The following RAP1A variants were observed in gnomAD, a reference collection of about 807,000 sequenced individuals.
RAP1A encodes ras-related protein Rap-1A.
Under a neutral mutation model 26.4 loss-of-function variants are expected in RAP1A, and 6 were observed. The observed-to-expected ratio is 0.23, with a 90% CI of 0.12 to 0.45. RAP1A has a LOEUF of 0.45. Ranked by LOEUF, RAP1A falls within the 20% of genes least tolerant of loss-of-function variation. The probability of loss-of-function intolerance (pLI) is 0.99; values close to 1 mark genes in which losing one functional copy is unlikely to be tolerated. For missense variants in RAP1A, 121 were observed against 217.2 expected, an observed-to-expected ratio of 0.56 and a Z score of 2.78; for synonymous variants, 73 against 79.4, an observed-to-expected ratio of 0.92 and a Z score of 0.43.
chr1:111,648,596 G>A (rs1660156607), intron 1 of RAP1A: 3 of 529,818 alleles, frequency 5.7e-6, no homozygotes, highest in Admixed American at 4.9e-5. Context: ...GGAAGTAGAG[G>A]GCCTCCACCT....
At chr1:111,650,027 A>G (rs560112135) in intron 1 of RAP1A, among the ~76,000 whole-genome samples, 5 of 151,972 alleles carry the variant, frequency 3.3e-5, no homozygotes, top group African/African-American at 1.2e-4. Flanking sequence ...TAATAGTGAA[A>G]ACTTGGTTTT....
At chr1:111,649,389 C>T (rs1660187434) in intron 1 of RAP1A, 1 of 370,084 alleles carries the variant, frequency 2.7e-6, no homozygotes, top group Non-Finnish European at 5.3e-6. Context: ...CAGCCAGACC[C>T]CAAGCTGTCC....
chr1:111,699,036 A>G (rs570648276), intron 4 of RAP1A, among the ~76,000 whole-genome samples: 1 of 151,616 alleles, frequency 6.6e-6, no homozygotes, highest in African/African-American at 2.4e-5. Context: ...AGAGATCTTT[A>G]CTTTGTGCTA....
intron 1 of RAP1A, among the ~76,000 whole-genome samples, chr1:111,607,637 G>T (rs1326784911): frequency 2.0e-5 from 3 of 148,232 alleles, no homozygotes; most frequent in Non-Finnish European, 4.5e-5. Flanking sequence ...TGGCCGGGCG[G>T]GGGGCTGACC....
Position 111,631,466 on chromosome 1 carries a change from C to T in RAP1A, c.-28+11532C>T, listed in dbSNP as rs570873191. 1.4e-4 allele frequency among the ~76,000 whole-genome samples: 21 copies of T among 152,226 alleles called. No individual in the cohort carries two copies. The South Asian group carries it at 3.3e-3, about 24-fold the overall frequency. ...ATCCTATTTAATTTGCACAGTAAATCTACAAAGTAGATATTGTTATTGTCC... is the reference window on the plus strand; with the variant it reads ...ATCCTATTTAATTTGCACAGTAAATTTACAAAGTAGATATTGTTATTGTCC... On this transcript the variant is annotated intron_variant, in intron 1 of 7. Transcript: ENST00000369709.
At chr1:111,560,877 T>G (rs1460958903) in intron 1 of RAP1A, among the ~76,000 whole-genome samples, 3 of 152,212 alleles carry the variant, frequency 2.0e-5, no homozygotes, top group African/African-American at 7.2e-5. Flanking sequence ...TTGCCAGGCC[T>G]TTCCTCTTGC....
intron 1 of RAP1A, among the ~76,000 whole-genome samples, chr1:111,564,582 G>A (rs575029682): frequency 2.7e-5 from 4 of 146,104 alleles, no homozygotes; most frequent in African/African-American, 5.1e-5. Flanking sequence ...GCACGATCTC[G>A]GCTCACTGCA....
At chr1:111,575,051 T>G (rs1658118774) in intron 1 of RAP1A, among the ~76,000 whole-genome samples, 4 of 152,232 alleles carry the variant, frequency 2.6e-5, no homozygotes, top group African/African-American at 9.6e-5. Flanking sequence ...TTCTAATAAA[T>G]ATTTGTGAAG....
intron 1 of RAP1A, among the ~76,000 whole-genome samples, chr1:111,587,101 G>T (rs1658379923): frequency 6.6e-6 from 1 of 151,966 alleles, no homozygotes; most frequent in Non-Finnish European, 1.5e-5. Context: ...CCTTGTCCTT[G>T]TTTTTCCACC....
At chr1:111,610,168 T>C (rs1282871371) in intron 1 of RAP1A, among the ~76,000 whole-genome samples, 1 of 152,206 alleles carries the variant, frequency 6.6e-6, no homozygotes, top group Non-Finnish European at 1.5e-5. Flanking sequence ...GTCTCATTTA[T>C]TAGCAGCAAA....
chr1:111,592,790 CA>C (rs1322584497), intron 1 of RAP1A, among the ~76,000 whole-genome samples: 2 of 152,198 alleles, frequency 1.3e-5, no homozygotes, highest in African/African-American at 4.8e-5. Flanking sequence ...AACTTTTCCA[CA>C]GCAGCTTTTG....
intron 1 of RAP1A, among the ~76,000 whole-genome samples, chr1:111,645,192 G>A (rs1232854352): frequency 6.6e-6 from 1 of 152,178 alleles, no homozygotes; most frequent in Non-Finnish European, 1.5e-5. Context: ...GATTATATAT[G>A]GGGAGTACAG....
chr1:111,634,098 T>G (rs1411337198), intron 1 of RAP1A, among the ~76,000 whole-genome samples: 1 of 152,238 alleles, frequency 6.6e-6, no homozygotes, highest in Non-Finnish European at 1.5e-5. Context: ...CAGTGTCCTC[T>G]GTGTGTTGGT....
chr1:111,701,377 A>G (rs1303784254), intron 4 of RAP1A, among the ~76,000 whole-genome samples: 1 of 152,170 alleles, frequency 6.6e-6, no homozygotes, highest in Non-Finnish European at 1.5e-5. Context: ...GTTACCCGTG[A>G]GGCCTTCCCT....
chr1:111,582,155 G>C (rs778974671), intron 1 of RAP1A, among the ~76,000 whole-genome samples: 2 of 152,192 alleles, frequency 1.3e-5, no homozygotes, highest in Non-Finnish European at 2.9e-5. Context: ...AACAAAGAGA[G>C]GGGAAGAGAG....
At chr1:111,661,375 A>G (rs1052349821) in intron 1 of RAP1A, among the ~76,000 whole-genome samples, 17 of 152,318 alleles carry the variant, frequency 1.1e-4, no homozygotes, top group African/African-American at 3.6e-4. Flanking sequence ...ATAGGGATCC[A>G]GGTGTAAGCT....
At chr1:111,680,943 C>A (rs909729098) in intron 1 of RAP1A, among the ~76,000 whole-genome samples, 5 of 152,176 alleles carry the variant, frequency 3.3e-5, no homozygotes, top group Admixed American at 2.0e-4. Flanking sequence ...TGAGGAAAAA[C>A]CAGCACAAAA....
chr1:111,677,036 C>T (rs753806015), intron 1 of RAP1A, among the ~76,000 whole-genome samples: 3 of 152,170 alleles, frequency 2.0e-5, no homozygotes, highest in African/African-American at 2.4e-5. Flanking sequence ...TCAGGTGATC[C>T]GCCTACCTCG....
intron 7 of RAP1A, among the ~76,000 whole-genome samples, chr1:111,710,575 G>C (rs569600592): frequency 6.6e-6 from 1 of 152,194 alleles, no homozygotes; most frequent in Non-Finnish European, 1.5e-5. Flanking sequence ...ACTAACTCTT[G>C]TAAGTCTCTT....
Sources: gnomAD v4.1 joint callset for allele counts (sites outside exome capture counted in the v4.1 genomes callset) on GRCh38, gnomAD v4.1.1 for gene constraint, MANE v1.5 for transcripts, NCBI Gene and HGNC (gene_info 2026-07-23, HGNC 2026-07-21) for gene names.